CHRM2: variants seen among roughly 807,000 people sequenced by gnomAD.
The protein encoded by CHRM2 is muscarinic acetylcholine receptor M2.
In CHRM2, 8 loss-of-function variants were observed where a neutral mutation model predicts 25.0. That is an observed-to-expected ratio of 0.32 (90% confidence interval 0.19 to 0.58). CHRM2 has a LOEUF of 0.58. Among genes scored for constraint, CHRM2 ranks in the 20% least tolerant of loss-of-function variants. CHRM2 has a pLI of 0.88. For missense variants in CHRM2, 440 were observed against 567.1 expected (o/e 0.78, Z 2.28); for synonymous variants, 202 against 205.7 (o/e 0.98, Z 0.15).
At position 136,881,366 on chromosome 7, in the gene CHRM2, G is replaced by T. The variant is rs887799141; in HGVS notation, c.-125+11948G>T. Among the ~76,000 whole-genome samples the T allele has an allele frequency of 8.2e-4, 124 of 151,482 alleles. 1 individual carries two copies. The highest frequency in any genetic ancestry group is 2.9e-3 in the African/African-American group (121 of 41,356). On this transcript the variant is annotated intron_variant, in intron 2 of 3. Coordinates refer to ENST00000680005, the MANE Select transcript of CHRM2 (RefSeq NM_001006630.2). The stretch of plus-strand genomic sequence containing the variant: ...TTTTAGCACTGAATGACAGTCCATT[G>T]CATTCATTTTTCTTTGGGATTTTCA...
chr7:136,889,598 T>C (rs1796611869), intron 2 of CHRM2, among the ~76,000 whole-genome samples: 4 of 152,202 alleles, frequency 2.6e-5, no homozygotes, highest in Admixed American at 1.3e-4. Flanking sequence ...GGTTTCTTCA[T>C]TTCTAAAATG....
intron 3 of CHRM2, among the ~76,000 whole-genome samples, chr7:137,009,355 A>C (rs1804657369): frequency 6.6e-6 from 1 of 152,142 alleles, no homozygotes; most frequent in African/African-American, 2.4e-5. Flanking sequence ...GAATCTATTC[A>C]TTAATTCACA....
intron 2 of CHRM2, among the ~76,000 whole-genome samples, chr7:136,942,481 T>C (rs1799829782): frequency 1.3e-5 from 2 of 152,154 alleles, no homozygotes; most frequent in Non-Finnish European, 2.9e-5. Flanking sequence ...GGACTCAATT[T>C]TTAGAGTGCC....
intron 2 of CHRM2, among the ~76,000 whole-genome samples, chr7:136,888,918 G>A (rs1796579651): frequency 6.6e-6 from 1 of 151,426 alleles, no homozygotes; most frequent in African/African-American, 2.4e-5. Flanking sequence ...CGTGGTGGCG[G>A]GCACCTGTAG....
At chr7:136,933,671 T>C (rs970179758) in intron 2 of CHRM2, among the ~76,000 whole-genome samples, 1 of 152,210 alleles carries the variant, frequency 6.6e-6, no homozygotes, top group African/African-American at 2.4e-5. Flanking sequence ...ATAACTCAGA[T>C]TTTTATTAAC....
At chr7:136,957,924 C>T (rs959865837) in intron 2 of CHRM2, among the ~76,000 whole-genome samples, 3 of 152,136 alleles carry the variant, frequency 2.0e-5, no homozygotes, top group East Asian at 1.9e-4. Context: ...TGAAATTTGA[C>T]ACTTTATAAA....
chr7:136,955,248 CATAT>C (rs1405406332), intron 2 of CHRM2, among the ~76,000 whole-genome samples: 11 of 152,228 alleles, frequency 7.2e-5, no homozygotes, highest in African/African-American at 2.6e-4. Flanking sequence ...ATAATCCATT[CATAT>C]TAGTGCATTA....
At position 136,901,172 on chromosome 7, in the gene CHRM2, C is replaced by T. The variant is rs145798929; in HGVS notation, c.-125+31754C>T. Reference sequence around the variant, plus strand: ...GGCACCCCCAAAGTGGAAACGAGTGCCCTGGGAAAGGAAAAATTCCATTTC... The same window carrying T: ...GGCACCCCCAAAGTGGAAACGAGTGTCCTGGGAAAGGAAAAATTCCATTTC... On this transcript the variant is annotated intron_variant, in intron 2 of 3. Transcript: ENST00000680005. 1.3e-3 allele frequency among the ~76,000 whole-genome samples: 203 copies of T among 152,034 alleles called. 2 individuals carry two copies. The East Asian group carries it at 0.028, about 21-fold the overall frequency.
At chr7:136,950,168 TG>T (rs1301657064) in intron 2 of CHRM2, among the ~76,000 whole-genome samples, 1 of 152,294 alleles carries the variant, frequency 6.6e-6, no homozygotes, top group East Asian at 1.9e-4. Flanking sequence ...CTCCTGTTTG[TG>T]GGGATTTTTG....
intron 2 of CHRM2, among the ~76,000 whole-genome samples, chr7:136,971,986 G>A (rs567171703): frequency 3.3e-5 from 5 of 152,208 alleles, no homozygotes; most frequent in African/African-American, 1.2e-4. Context: ...GAAAACTACT[G>A]CTTTGTTTAC....
intron 2 of CHRM2, among the ~76,000 whole-genome samples, chr7:136,991,013 T>C (rs571688403): frequency 6.6e-4 from 100 of 152,300 alleles, no homozygotes; most frequent in South Asian, 1.7e-3. Context: ...ACCATCTGTA[T>C]ATGTTTTCTG....
intron 2 of CHRM2, among the ~76,000 whole-genome samples, chr7:136,967,252 G>T (rs186787164): frequency 6.6e-6 from 1 of 151,952 alleles, no homozygotes; most frequent in East Asian, 1.9e-4. Flanking sequence ...AGATTAATTA[G>T]TTACTTCTCA....
intron 2 of CHRM2, among the ~76,000 whole-genome samples, chr7:136,914,969 A>G (rs969681598): frequency 1.3e-5 from 2 of 151,912 alleles, no homozygotes; most frequent in African/African-American, 2.4e-5. Context: ...GTGATCCTAC[A>G]GTGCTAGTGA....
chr7:136,930,898 CAAAAAAAAAAAAAAA>C (rs57705639), intron 2 of CHRM2, among the ~76,000 whole-genome samples: 14 of 61,130 alleles, frequency 2.3e-4, no homozygotes, highest in Admixed American at 2.7e-4. Flanking sequence ...CTCATTCTCT[CAAAAAAAAAAAAAAA>C]AAAAAAAAAA....
intron 2 of CHRM2, among the ~76,000 whole-genome samples, chr7:136,979,577 A>G (rs1465312187): frequency 1.3e-5 from 2 of 152,110 alleles, no homozygotes; most frequent in Non-Finnish European, 2.9e-5. Flanking sequence ...TTATGGTTTT[A>G]TGTCTTACAT....
At chr7:136,955,614 G>A (rs1800678614) in intron 2 of CHRM2, among the ~76,000 whole-genome samples, 1 of 152,126 alleles carries the variant, frequency 6.6e-6, no homozygotes, top group Non-Finnish European at 1.5e-5. Context: ...TTGTCTCTCT[G>A]TGCTTAAGGA....
chr7:136,959,626 G>A (rs1015744504), intron 2 of CHRM2, among the ~76,000 whole-genome samples: 5 of 152,030 alleles, frequency 3.3e-5, no homozygotes, highest in African/African-American at 1.2e-4. Context: ...AGAAGGAAGT[G>A]AAGGGGGAGG....
intron 3 of CHRM2, among the ~76,000 whole-genome samples, chr7:137,013,469 A>G (rs1316633496): frequency 1.3e-5 from 2 of 152,006 alleles, no homozygotes; most frequent in Non-Finnish European, 2.9e-5. Context: ...CAATATTCCC[A>G]AATTTTAATT....
At chr7:136,920,853 C>T (rs1396618500) in intron 2 of CHRM2, among the ~76,000 whole-genome samples, 1 of 152,126 alleles carries the variant, frequency 6.6e-6, no homozygotes, top group Non-Finnish European at 1.5e-5. Flanking sequence ...CCATCACCTT[C>T]ACATTTCTTG....
Sources: allele counts gnomAD v4.1 joint callset (sites outside exome capture counted in the v4.1 genomes callset), GRCh38; gene constraint gnomAD v4.1.1; transcripts MANE v1.5; gene names NCBI Gene and HGNC (gene_info 2026-07-23, HGNC 2026-07-21).